Variants in CENPN observed in about 807,000 individuals in gnomAD.
CENPN encodes the protein interphase centromere complex protein 32.
A neutral mutation model predicts 48.6 loss-of-function variants in CENPN; 36 were observed. The observed-to-expected ratio is 0.74, with a 90% CI of 0.57 to 0.98. The LOEUF is 0.98. Ranked by LOEUF, CENPN falls within the 50% of genes least tolerant of loss-of-function variation. The pLI is 0.00. For synonymous variants in CENPN, 166 were observed against 135.2 expected (o/e 1.23, Z -1.58); for missense variants, 439 against 399.2 (o/e 1.10, Z -0.85).
Position 81,024,782 on chromosome 16 carries a change from C to G in CENPN, c.697+4C>G. On this transcript the variant is annotated splice_donor_region_variant and intron_variant, in intron 8 of 10. Coordinates refer to ENST00000305850, the MANE Select transcript of CENPN (RefSeq NM_001100624.3). ...AGCCTTGGACTAGATATAAATAGTA[C>G]GTGTGTGTTAATATGAAACTGAATT... 1 of 1,587,666 alleles carries G rather than the reference C, an allele frequency of 6.3e-7. No homozygotes were observed. The highest frequency in any genetic ancestry group is 8.6e-7 in the Non-Finnish European group (1 of 1,161,886).
At chr16:81,032,532 C>CT (rs1463725877), downstream of CENPN, 3 of 1,543,736 alleles carry the variant, frequency 1.9e-6, no homozygotes, top group Non-Finnish European at 2.6e-6. Context: ...ATTAATCCGT[C>CT]TTTTATCAGT....
chr16:81,007,959 T>G (rs1301039302), intron 1 of CENPN, among the ~76,000 whole-genome samples: 1 of 151,728 alleles, frequency 6.6e-6, no homozygotes, highest in East Asian at 1.9e-4. Flanking sequence ...ATACAAAAAT[T>G]AACCGGACGT....
chr16:81,029,566 AT>A lies in CENPN; in HGVS notation c.*925del, dbSNP rs10713656. 0.28 allele frequency: 42,009 copies of A among 149,838 alleles called. 5,991 individuals carry two copies. The highest frequency in any genetic ancestry group is 0.43 in the East Asian group (2,162 of 5,064). The allele number at this position is 149,838 out of a possible 1,614,324, so 9.3% of individuals were successfully genotyped here. A position where few individuals can be genotyped will look rare whatever the true frequency, so the allele number is the denominator to read the frequency against. ...AGACGCGCTCCATCCTGCCCAGCTA[AT>A]TTTTTTTTTGTTTGTTTTTTGTTTT... On this transcript the variant is annotated 3_prime_UTR_variant, in exon 11 of 11. Coordinates refer to ENST00000305850, the MANE Select transcript of CENPN (RefSeq NM_001100624.3).
chr16:81,028,435 C>T, intron 10 of CENPN, 134 bp from the exon 11 acceptor site: 3 of 1,473,412 alleles, frequency 2.0e-6, no homozygotes, highest in Non-Finnish European at 2.8e-6. Context: ...GCATCTTCTG[C>T]TTCTGTACTT....
Position 81,017,394 on chromosome 16 carries a change from TTC to T in CENPN, c.277+11_277+12del, listed in dbSNP as rs1969976847. 1 of 1,555,084 alleles carries T rather than the reference TTC, an allele frequency of 6.4e-7. No individual in the cohort carries two copies. The highest frequency in any genetic ancestry group is 8.9e-7 in the Non-Finnish European group (1 of 1,127,726). On this transcript the variant is annotated intron_variant, in intron 4 of 10. Coordinates refer to ENST00000305850, the MANE Select transcript of CENPN (RefSeq NM_001100624.3). ...GATGAGTAAAGGACCAGGTAATATT[TTC>T]TGTTTACAATTGAATATTTGATAGT...
chr16:81,018,499 A>T (rs2151688108), intron 5 of CENPN, among the ~76,000 whole-genome samples: 1 of 152,286 alleles, frequency 6.6e-6, no homozygotes, highest in Non-Finnish European at 1.5e-5. Context: ...TTTAAACTTC[A>T]ATGATTTTTT....
rs781085048 is a variant in CENPN at position 81,028,549 on chromosome 16, T to A, written c.938-20T>A. 2 of 1,397,588 alleles carry A rather than the reference T, an allele frequency of 1.4e-6. No individual in the cohort carries two copies. Among genetic ancestry groups the A allele is most frequent in the Non-Finnish European group, 1.9e-6 (2 of 1,073,422 alleles). 86.6% of individuals were successfully genotyped at this position (1,397,588 alleles called of 1,614,324 possible). On this transcript the variant is annotated intron_variant, in intron 10 of 10. Coordinates refer to ENST00000305850, the MANE Select transcript of CENPN (RefSeq NM_001100624.3). ...TGACTTTTAATTTTCTTTTTCCCTT[T>A]TTTTTTTTTTTAATTTCAGGTATTG...
chr16:81,017,673 T>A lies in CENPN; in HGVS notation c.278-85T>A, dbSNP rs970747187. The A allele has an allele frequency of 3.2e-6, 3 of 933,918 alleles. No homozygotes were observed. The African/African-American group carries it at 5.0e-5, about 16-fold the overall frequency. The allele number at this position is 933,918 out of a possible 1,614,324, so 57.9% of individuals were successfully genotyped here. On this transcript the variant is annotated intron_variant, in intron 4 of 10. Coordinates refer to ENST00000305850, the MANE Select transcript of CENPN (RefSeq NM_001100624.3). The stretch of plus-strand genomic sequence containing the variant: ...ATTACTCTGGAATTATACAAAATGC[T>A]TAGTTTCATGGTACTTTACGAATGT...
chr16:81,021,200 T>G (rs1970177043), intron 6 of CENPN, among the ~76,000 whole-genome samples: 1 of 152,210 alleles, frequency 6.6e-6, no homozygotes, highest in Non-Finnish European at 1.5e-5. Context: ...TTATTTTCAT[T>G]TGTAACCATT....
intron 6 of CENPN, 192 bp downstream of exon 6, chr16:81,020,468 A>C: frequency 2.2e-6 from 1 of 464,060 alleles, no homozygotes; most frequent in Non-Finnish European, 3.7e-6. Flanking sequence ...GGCTGCCGTG[A>C]GCTGCGATCA....
intron 6 of CENPN, chr16:81,022,170 A>G (rs535717634): frequency 5.5e-6 from 1 of 182,970 alleles, no homozygotes; most frequent in African/African-American, 2.4e-5. Context: ...CCCTAATGAC[A>G]GGAAACTCTT....
intron 3 of CENPN, among the ~76,000 whole-genome samples, chr16:81,014,966 T>C (rs1190167900): frequency 6.6e-6 from 1 of 152,188 alleles, no homozygotes; most frequent in Non-Finnish European, 1.5e-5. Flanking sequence ...ATGATTTTGC[T>C]CAACTGTAGG....
At chr16:81,010,138 C>A (rs1031669091) in intron 1 of CENPN, among the ~76,000 whole-genome samples, 1 of 152,104 alleles carries the variant, frequency 6.6e-6, no homozygotes, top group South Asian at 2.1e-4. Flanking sequence ...GGGGAGGTTG[C>A]AGTGAGCCGA....
chr16:81,026,101 GTGTGTA>G, intron 8 of CENPN, among the ~76,000 whole-genome samples: 1 of 133,470 alleles, frequency 7.5e-6, no homozygotes, highest in Non-Finnish European at 1.6e-5. Context: ...ATATATATGT[GTGTGTA>G]TATATATATG....
chr16:81,017,437 G>A, intron 4 of CENPN, 52 bp downstream of exon 4: 1 of 1,264,286 alleles, frequency 7.9e-7, no homozygotes, highest in Non-Finnish European at 1.2e-6. Context: ...TTGGACTCAG[G>A]AAGCAGAGGT....
At chr16:81,025,290 A>G (rs1361252490) in intron 8 of CENPN, among the ~76,000 whole-genome samples, 1 of 152,248 alleles carries the variant, frequency 6.6e-6, no homozygotes, top group Non-Finnish European at 1.5e-5. Context: ...CTACTCACAG[A>G]TGTCTGAAGT....
At position 81,022,666 on chromosome 16, in the gene CENPN, C is replaced by T. The variant is rs760241403; in HGVS notation, c.601C>T (p.Leu201Phe). The T allele has an allele frequency of 2.5e-6, 4 of 1,614,048 alleles. No homozygotes were observed. Among genetic ancestry groups the T allele is most frequent in the Non-Finnish European group, 3.4e-6 (4 of 1,179,976 alleles). The change falls in exon 7 of 11, where the codon CTT becomes TTT. Residue 201 changes from leucine to phenylalanine, a missense_variant. By Grantham distance (22) the Leu-to-Phe change is conservative. Coordinates refer to ENST00000305850, the MANE Select transcript of CENPN (RefSeq NM_001100624.3). Reference protein sequence around the residue: ...MDLRSRYLDSLKAIVFKQYNQ... With the variant: ...MDLRSRYLDSFKAIVFKQYNQ... ...CCTGAGAAGTCGGTATCTGGACTCT[C>T]TTAAGGCTATTGTTTTTAAACAGTA...
chr16:81,018,021 ATT>A (rs1567549924), intron 5 of CENPN, among the ~76,000 whole-genome samples, 187 bp downstream of exon 5: 1 of 152,074 alleles, frequency 6.6e-6, no homozygotes, highest in Non-Finnish European at 1.5e-5. Flanking sequence ...TCTCCTGTCC[ATT>A]CAGGGCCTGA....
At chr16:81,027,865 C>T (rs1970579648) in intron 9 of CENPN, among the ~76,000 whole-genome samples, 1 of 152,150 alleles carries the variant, frequency 6.6e-6, no homozygotes, top group Admixed American at 6.5e-5. Context: ...CCACCATACC[C>T]AGCTAATTAT....
Sources: gnomAD v4.1 joint callset for allele counts (sites outside exome capture counted in the v4.1 genomes callset) on GRCh38, gnomAD v4.1.1 for gene constraint, MANE v1.5 for transcripts, NCBI Gene and HGNC (gene_info 2026-07-23, HGNC 2026-07-21) for gene names.